The following SV2C variants were observed in gnomAD, a reference collection of about 807,000 sequenced individuals.
The protein encoded by SV2C is solute carrier family 22 member B3.
Under a neutral mutation model 79.7 loss-of-function variants are expected in SV2C, and 49 were observed. That is an observed-to-expected ratio of 0.61 (90% CI 0.49 to 0.78). SV2C has a LOEUF of 0.78. SV2C is among the 30% of genes least tolerant of loss of function. SV2C has a pLI of 0.00. For synonymous variants in SV2C, 334 were observed against 333.2 expected, an observed-to-expected ratio of 1.00 and a Z score of -0.03; for missense variants, 833 against 912.9, an observed-to-expected ratio of 0.91 and a Z score of 1.13.
intron 12 of SV2C, among the ~76,000 whole-genome samples, chr5:76,340,742 T>C (rs1369272481): frequency 3.9e-5 from 6 of 152,166 alleles, no homozygotes; most frequent in Non-Finnish European, 7.3e-5. Flanking sequence ...ACTACTAAGA[T>C]TGCAAATTTT....
chr5:76,207,833 A>C (rs1469046737), intron 3 of SV2C, among the ~76,000 whole-genome samples: 6 of 152,186 alleles, frequency 3.9e-5, no homozygotes, highest in Admixed American at 6.5e-5. Context: ...TACTATCTGC[A>C]TTCCATCAAA....
At chr5:75,930,873 C>T in the SV2C span, among the ~76,000 whole-genome samples, 1 of 152,096 alleles carries the variant, frequency 6.6e-6, no homozygotes, top group Admixed American at 6.5e-5. Context: ...GAGGCTCGTG[C>T]CTGTAATTCT....
At chr5:76,165,370 G>A (rs553035918) in intron 2 of SV2C, among the ~76,000 whole-genome samples, 90 of 152,188 alleles carry the variant, frequency 5.9e-4, no homozygotes, top group Non-Finnish European at 1.1e-3. Context: ...GTTTGTGTGT[G>A]TGGAGGAATG....
the SV2C span, among the ~76,000 whole-genome samples, chr5:75,853,386 C>T: frequency 6.6e-6 from 1 of 151,482 alleles, no homozygotes; most frequent in Non-Finnish European, 1.5e-5. Flanking sequence ...GAAACCCTGT[C>T]TCTACTAAAA....
At chr5:76,250,085 A>T (rs554416242) in intron 4 of SV2C, among the ~76,000 whole-genome samples, 35 of 152,278 alleles carry the variant, frequency 2.3e-4, no homozygotes, top group African/African-American at 8.2e-4. Flanking sequence ...TTAATTCTTC[A>T]TTGTGTACCC....
chr5:76,098,492 T>C (rs538915497), intron 1 of SV2C, among the ~76,000 whole-genome samples: 1 of 152,342 alleles, frequency 6.6e-6, no homozygotes, highest in Admixed American at 6.5e-5. Flanking sequence ...TCACACTCTA[T>C]CTGCGGCATG....
chr5:75,885,566 T>C, the SV2C span, among the ~76,000 whole-genome samples: 2 of 152,090 alleles, frequency 1.3e-5, no homozygotes, highest in African/African-American at 4.8e-5. Context: ...CTAACTACTA[T>C]GCTATGAGTA....
At chr5:75,852,818 T>A in the SV2C span, among the ~76,000 whole-genome samples, 2 of 113,124 alleles carry the variant, frequency 1.8e-5, no homozygotes, top group South Asian at 2.6e-4. Context: ...AGAGCGAGAC[T>A]CCGTCTCAAA....
At chr5:76,206,506 C>T (rs1367828604) in intron 3 of SV2C, among the ~76,000 whole-genome samples, 1 of 152,318 alleles carries the variant, frequency 6.6e-6, no homozygotes, top group South Asian at 2.1e-4. Context: ...TTCAGTCTAG[C>T]ACCCTCAACT....
intron 1 of SV2C, among the ~76,000 whole-genome samples, chr5:76,116,450 G>A (rs964003837): frequency 3.9e-5 from 6 of 152,178 alleles, no homozygotes; most frequent in Admixed American, 2.6e-4. Flanking sequence ...AAGCAGAATT[G>A]TTGAGGGAAG....
chr5:75,923,198 G>A, the SV2C span, among the ~76,000 whole-genome samples: 1 of 152,184 alleles, frequency 6.6e-6, no homozygotes, highest in Non-Finnish European at 1.5e-5. Context: ...ATGGTGCTGG[G>A]AAAACTGGCA....
chr5:76,106,123 C>G (rs1439097515), intron 1 of SV2C, among the ~76,000 whole-genome samples: 2 of 152,122 alleles, frequency 1.3e-5, no homozygotes, highest in Non-Finnish European at 2.9e-5. Context: ...GCACCTGCCC[C>G]CACCAAAACC....
the SV2C span, among the ~76,000 whole-genome samples, chr5:75,924,672 A>G: frequency 7.8e-4 from 119 of 152,160 alleles, no homozygotes; most frequent in Middle Eastern, 3.2e-3. Flanking sequence ...CTCACTGGGC[A>G]AAGGTTGGGT....
the SV2C span, among the ~76,000 whole-genome samples, chr5:75,951,090 A>G: frequency 1.3e-5 from 2 of 152,008 alleles, no homozygotes; most frequent in Non-Finnish European, 2.9e-5. Flanking sequence ...AACTATCTTG[A>G]TAATTATAAG....
intron 4 of SV2C, among the ~76,000 whole-genome samples, chr5:76,222,974 A>G (rs1745113318): frequency 3.9e-5 from 6 of 152,146 alleles, no homozygotes. Context: ...TACATGAAGA[A>G]GCTAAGAAAC....
chr5:76,211,714 A>G (rs1439739242), intron 4 of SV2C, among the ~76,000 whole-genome samples: 1 of 152,228 alleles, frequency 6.6e-6, no homozygotes, highest in Admixed American at 6.5e-5. Flanking sequence ...CTGTTAGGGA[A>G]CAACCTTGGT....
chr5:75,886,730 G>A, the SV2C span, among the ~76,000 whole-genome samples: 1,262 of 152,204 alleles, frequency 8.3e-3, 24 homozygotes, highest in African/African-American at 0.029. Flanking sequence ...GACATTTACA[G>A]AGTTATTACT....
the SV2C span, among the ~76,000 whole-genome samples, chr5:75,900,570 T>C: frequency 3.5e-4 from 53 of 152,284 alleles, no homozygotes; most frequent in African/African-American, 1.0e-3. Context: ...AGGAGTATCT[T>C]TGTGGCATTC....
the SV2C span, among the ~76,000 whole-genome samples, chr5:75,907,471 G>A: frequency 2.3e-3 from 347 of 152,258 alleles, 1 homozygote; most frequent in Non-Finnish European, 3.6e-3. Context: ...GGAGCAGCGC[G>A]GTGGGATGGG....
Sources: allele counts gnomAD v4.1 joint callset (sites outside exome capture counted in the v4.1 genomes callset), GRCh38; gene constraint gnomAD v4.1.1; transcripts MANE v1.5; gene names NCBI Gene and HGNC (gene_info 2026-07-23, HGNC 2026-07-21).